KCNH8: variants seen among roughly 807,000 people sequenced by gnomAD.
KCNH8 encodes the protein voltage-gated delayed rectifier potassium channel KCNH8.
In KCNH8, 70 loss-of-function variants were observed where a neutral mutation model predicts 103.6. The observed-to-expected ratio is 0.68, with a 90% CI of 0.56 to 0.82. The LOEUF is 0.82. Ranked by LOEUF, KCNH8 falls within the 40% of genes least tolerant of loss-of-function variation. The probability of loss-of-function intolerance (pLI) is 0.00; values close to 1 mark genes in which losing one functional copy is unlikely to be tolerated. For missense variants in KCNH8, 1,217 were observed against 1,329.9 expected (o/e 0.92, Z 1.32); for synonymous variants, 498 against 489.4 (o/e 1.02, Z -0.23).
intron 13 of KCNH8, 27 bp downstream of exon 13, chr3:19,513,352 T>C (rs968068436): frequency 6.4e-7 from 1 of 1,550,690 alleles, no homozygotes; most frequent in Non-Finnish European, 8.7e-7. Flanking sequence ...TATAACTTTC[T>C]CACGTGAACG....
intron 2 of KCNH8, among the ~76,000 whole-genome samples, chr3:19,272,767 C>T (rs530894223): frequency 2.0e-5 from 3 of 152,280 alleles, no homozygotes; most frequent in South Asian, 2.1e-4. Context: ...CCCACACTTT[C>T]CTACATTTCT....
intron 2 of KCNH8, among the ~76,000 whole-genome samples, chr3:19,277,230 T>C (rs993904755): frequency 2.0e-5 from 3 of 152,078 alleles, no homozygotes; most frequent in African/African-American, 7.2e-5. Flanking sequence ...GAAAAATATC[T>C]ATAAAGATAT....
rs576365097 is a variant in KCNH8 at position 19,199,805 on chromosome 3, C to T, written c.76+51010C>T. On this transcript the variant is annotated intron_variant, in intron 1 of 15. Transcript: ENST00000328405. ...TAAATGGCAGATAGTGTTACTGAAA[C>T]ATGGTAATATGTGACATAAATATTA... Among the ~76,000 whole-genome samples the T allele has an allele frequency of 7.9e-5, 12 of 151,934 alleles. No homozygotes were observed. In the South Asian group the frequency reaches 2.5e-3, roughly 31 times the overall value.
Position 19,210,268 on chromosome 3 carries a change from GT to G in KCNH8, c.77-43378del, listed in dbSNP as rs372235630. Among the ~76,000 whole-genome samples, 38 of 151,896 alleles carry G rather than the reference GT, an allele frequency of 2.5e-4. No individual in the cohort carries two copies. The East Asian group carries it at 3.5e-3, about 14-fold the overall frequency. Reference sequence around the variant, plus strand: ...GGACCAGCAGCACAAGGCTCTCGATGTTTTTTTTCTTTCTTCTACTTTTTTC... The same window carrying G: ...GGACCAGCAGCACAAGGCTCTCGATGTTTTTTTCTTTCTTCTACTTTTTTC... On this transcript the variant is annotated intron_variant, in intron 1 of 15. Transcript: ENST00000328405.
chr3:19,299,819 A>C (rs572941411), intron 3 of KCNH8, among the ~76,000 whole-genome samples: 1 of 152,046 alleles, frequency 6.6e-6, no homozygotes, highest in South Asian at 2.1e-4. Context: ...AAAGCTAAAA[A>C]CCTATTTTAA....
chr3:19,230,565 G>A (rs17005771), intron 1 of KCNH8, among the ~76,000 whole-genome samples: 5,890 of 152,198 alleles, frequency 0.039, 406 homozygotes, highest in African/African-American at 0.13. Flanking sequence ...TGGTTATAGG[G>A]AAAATGCATA....
chr3:19,318,258 G>A (rs536293931), intron 3 of KCNH8, among the ~76,000 whole-genome samples: 2 of 151,800 alleles, frequency 1.3e-5, no homozygotes, highest in South Asian at 4.1e-4. Flanking sequence ...CTGAGACTGG[G>A]CAATTGATTT....
At chr3:19,199,171 G>A (rs892476389) in intron 1 of KCNH8, among the ~76,000 whole-genome samples, 4 of 152,178 alleles carry the variant, frequency 2.6e-5, no homozygotes, top group African/African-American at 9.6e-5. Flanking sequence ...AATATATAAA[G>A]TCTGATAGTT....
At chr3:19,158,458 T>C (rs967067697) in intron 1 of KCNH8, among the ~76,000 whole-genome samples, 8 of 151,846 alleles carry the variant, frequency 5.3e-5, no homozygotes, top group Non-Finnish European at 1.2e-4. Flanking sequence ...TGACTTTAAG[T>C]ATCAGATTTT....
chr3:19,524,317 C>T (rs948489625), intron 15 of KCNH8, among the ~76,000 whole-genome samples: 2 of 151,846 alleles, frequency 1.3e-5, no homozygotes, highest in African/African-American at 2.4e-5. Context: ...AAAGACTGTA[C>T]ATTCACTTTT....
At chr3:19,323,463 A>G (rs1428548987) in intron 3 of KCNH8, among the ~76,000 whole-genome samples, 1 of 152,102 alleles carries the variant, frequency 6.6e-6, no homozygotes, top group African/African-American at 2.4e-5. Context: ...AAAAATAATA[A>G]TAATAAAATA....
chr3:19,335,494 T>TAC (rs1345832042), intron 3 of KCNH8, among the ~76,000 whole-genome samples: 1 of 148,858 alleles, frequency 6.7e-6, no homozygotes, highest in Non-Finnish European at 1.5e-5. Flanking sequence ...TATATATATA[T>TAC]ATATATATAT....
chr3:19,479,356 G>A (rs1164650229), intron 11 of KCNH8, among the ~76,000 whole-genome samples: 2 of 152,120 alleles, frequency 1.3e-5, no homozygotes, highest in African/African-American at 4.8e-5. Context: ...AACTCAGGAT[G>A]AAATTGGAAA....
chr3:19,155,132 A>G (rs753368500), intron 1 of KCNH8, among the ~76,000 whole-genome samples: 3 of 152,208 alleles, frequency 2.0e-5, no homozygotes, highest in African/African-American at 7.2e-5. Flanking sequence ...CAAATGCCAC[A>G]TGTCCCCAAA....
At chr3:19,255,473 T>C (rs2064335238) in intron 2 of KCNH8, among the ~76,000 whole-genome samples, 1 of 152,118 alleles carries the variant, frequency 6.6e-6, no homozygotes, top group Non-Finnish European at 1.5e-5. Context: ...TCTTGCCTGA[T>C]TGCCCTGGCC....
intron 3 of KCNH8, among the ~76,000 whole-genome samples, chr3:19,310,089 A>G (rs2125296537): frequency 6.6e-6 from 1 of 152,116 alleles, no homozygotes; most frequent in East Asian, 1.9e-4. Flanking sequence ...TCTTGCTCCT[A>G]GCATTGTACC....
intron 11 of KCNH8, among the ~76,000 whole-genome samples, chr3:19,461,116 G>C (rs1468279190): frequency 6.6e-6 from 1 of 152,122 alleles, no homozygotes; most frequent in Non-Finnish European, 1.5e-5. Flanking sequence ...TTTGATTGGA[G>C]GGTTAGTTCA....
At chr3:19,445,412 T>C (rs2067348797) in intron 8 of KCNH8, among the ~76,000 whole-genome samples, 1 of 151,954 alleles carries the variant, frequency 6.6e-6, no homozygotes. Context: ...GTAGTGATTC[T>C]ATAGCTATGT....
chr3:19,375,918 G>GGGGGTCA (rs774443760), intron 5 of KCNH8, among the ~76,000 whole-genome samples: 47 of 152,054 alleles, frequency 3.1e-4, no homozygotes, highest in African/African-American at 5.8e-4. Flanking sequence ...TAGGCTGCTC[G>GGGGGTCA]GGGGTCAGGG....
Sources: gnomAD v4.1 joint callset for allele counts (sites outside exome capture counted in the v4.1 genomes callset) on GRCh38, gnomAD v4.1.1 for gene constraint, MANE v1.5 for transcripts, NCBI Gene and HGNC (gene_info 2026-07-23, HGNC 2026-07-21) for gene names.